CCNT2: variants seen among roughly 807,000 people sequenced by gnomAD.
CCNT2 encodes the protein cyclin-T2.
A neutral mutation model predicts 70.0 loss-of-function variants in CCNT2; 18 were observed. The observed-to-expected ratio is 0.26, with a 90% CI of 0.18 to 0.38. CCNT2 has a LOEUF of 0.38. CCNT2 is among the 10% of genes least tolerant of loss of function. The probability of loss-of-function intolerance (pLI) is 1.00; values close to 1 mark genes in which losing one functional copy is unlikely to be tolerated. For missense variants in CCNT2, 734 were observed against 890.2 expected (o/e 0.82, Z 2.23); for synonymous variants, 334 against 313.3 (o/e 1.07, Z -0.70).
chr2:134,928,664 G>T (rs993104848), intron 2 of CCNT2, among the ~76,000 whole-genome samples: 3 of 151,868 alleles, frequency 2.0e-5, no homozygotes, highest in African/African-American at 4.8e-5. Context: ...TCACACTATA[G>T]TAATTCCTTC....
chr2:134,946,079 CG>C (rs777113344), intron 5 of CCNT2, 21 bp from the exon 6 acceptor site: 2 of 1,567,690 alleles, frequency 1.3e-6, no homozygotes, highest in African/African-American at 1.4e-5. Context: ...GTATTGTCTT[CG>C]TTTTTTTTTT....
At chr2:134,935,256 TTTAAG>T (rs1559098340) in intron 2 of CCNT2, among the ~76,000 whole-genome samples, 1 of 152,212 alleles carries the variant, frequency 6.6e-6, no homozygotes, top group Non-Finnish European at 1.5e-5. Flanking sequence ...ATTCACTCAT[TTTAAG>T]TTAACATTAT....
chr2:134,935,167 G>A (rs1399560222), intron 2 of CCNT2, among the ~76,000 whole-genome samples: 2 of 152,158 alleles, frequency 1.3e-5, no homozygotes, highest in African/African-American at 4.8e-5. Flanking sequence ...TTACTCTTTT[G>A]AGCATTCTCA....
chr2:134,923,056 G>A (rs993494604), intron 2 of CCNT2, among the ~76,000 whole-genome samples: 1 of 152,078 alleles, frequency 6.6e-6, no homozygotes, highest in Admixed American at 6.6e-5. Flanking sequence ...TGAAGTGGGC[G>A]GATCCCTTGA....
intron 2 of CCNT2, among the ~76,000 whole-genome samples, chr2:134,935,499 G>A (rs41521049): frequency 0.35 from 52,648 of 151,988 alleles, 9,893 homozygotes; most frequent in Middle Eastern, 0.67. Flanking sequence ...TTCACCTCCA[G>A]TTTGGCATTG....
In CCNT2 at chr2:134,953,651, A is replaced by G. The variant is rs769833078; in HGVS notation, c.1196A>G (p.Lys399Arg). Residue 399 changes from lysine (K) to arginine (R), a missense_variant, in exon 9 of 9, where the codon AAA (lysine) becomes AGA (arginine). Around this residue, in one of 3 missense-constraint regions of CCNT2, gnomAD observed 532 missense variants for 556.9 expected, o/e 0.96. Coordinates refer to ENST00000264157, the MANE Select transcript of CCNT2 (RefSeq NM_058241.3). Reference protein sequence around the residue: ...LHSGLHHRPDKISDHSSVKQE... With the variant: ...LHSGLHHRPDRISDHSSVKQE... Reference sequence around the variant, plus strand: ...TCAGGATTACATCACAGACCTGACAAAATTTCAGATCATTCTTCTGTTAAG... The same window carrying G: ...TCAGGATTACATCACAGACCTGACAGAATTTCAGATCATTCTTCTGTTAAG... 2.5e-6 allele frequency: 4 copies of G among 1,614,200 alleles called. No homozygotes were observed. In the South Asian group the frequency reaches 4.4e-5, roughly 18 times the overall value.
In CCNT2 at chr2:134,940,942, G is replaced by T. The variant is rs56675527; in HGVS notation, c.431-1670G>T. Among the ~76,000 whole-genome samples the T allele has an allele frequency of 0.019, 2,921 of 152,284 alleles. 220 individuals are homozygous for T. In the East Asian group the frequency reaches 0.29, roughly 15 times the overall value. On this transcript the variant is annotated intron_variant, in intron 4 of 8. Coordinates refer to ENST00000264157, the MANE Select transcript of CCNT2 (RefSeq NM_058241.3). ...AAATGAATCCAGTGTAAGGTTCAGT[G>T]TGAAAGAAGAAAAAGACATTTGTGA...
intron 2 of CCNT2, 31 bp downstream of exon 2, chr2:134,919,922 G>A: frequency 6.9e-7 from 1 of 1,449,406 alleles, no homozygotes. Flanking sequence ...TTTACTGTCC[G>A]CAAATTTGAG....
chr2:134,937,411 A>G (rs1294371305), intron 3 of CCNT2, among the ~76,000 whole-genome samples: 2 of 152,180 alleles, frequency 1.3e-5, no homozygotes, highest in African/African-American at 2.4e-5. Context: ...TAATGCATGT[A>G]CTACTGCTTA....
rs1559123909 is a variant in CCNT2, at chr2:134,957,927, ATCC to A, written c.*3282_*3284del. 2.0e-5 allele frequency: 3 copies of A among 152,154 alleles called. No homozygotes were observed. The highest frequency in any genetic ancestry group is 1.3e-4 in the Admixed American group (2 of 15,284). 9.4% of individuals were successfully genotyped at this position (152,154 alleles called of 1,614,324 possible). ...ATAGAATACCTAATTTTTTTGGCCT[ATCC>A]TCTTTGAACTAGAAATGACTACTTG... On this transcript the variant is annotated 3_prime_UTR_variant, in exon 9 of 9. Transcript: ENST00000264157.
intron 2 of CCNT2, among the ~76,000 whole-genome samples, chr2:134,928,274 C>CT (rs551173090): frequency 0.32 from 30,472 of 96,316 alleles, 6,084 homozygotes; most frequent in Middle Eastern, 0.61. Context: ...CATTGTATTT[C>CT]TTTTTTTTTT....
intron 7 of CCNT2, among the ~76,000 whole-genome samples, chr2:134,951,775 T>C (rs748643563): frequency 4.6e-5 from 7 of 152,208 alleles, no homozygotes; most frequent in Non-Finnish European, 1.0e-4. Flanking sequence ...CATAACAATA[T>C]ATGATTATCA....
intron 5 of CCNT2, chr2:134,943,600 CT>C: frequency 1.0e-6 from 1 of 984,804 alleles, no homozygotes; most frequent in East Asian, 1.1e-4. Flanking sequence ...AACAGGAGTA[CT>C]TTTTAAAAAT....
chr2:134,941,646 G>C (rs1681590820), intron 4 of CCNT2, among the ~76,000 whole-genome samples: 1 of 151,936 alleles, frequency 6.6e-6, no homozygotes, highest in Non-Finnish European at 1.5e-5. Flanking sequence ...GCATGTTATT[G>C]TTTTACTATA....
chr2:134,945,371 A>G, intron 5 of CCNT2: 1 of 985,432 alleles, frequency 1.0e-6, no homozygotes, highest in Non-Finnish European at 1.2e-6. Flanking sequence ...GGGAAGACTA[A>G]GAGGCAGAAT....
rs1682902294 is a variant in CCNT2, at chr2:134,956,049, T to C, written c.*1401T>C. 1.3e-5 allele frequency: 2 copies of C among 152,700 alleles called. No individual in the cohort carries two copies. The highest frequency in any genetic ancestry group is 4.8e-5 in the African/African-American group (2 of 41,480). 9.5% of individuals were successfully genotyped at this position (152,700 alleles called of 1,614,324 possible). On this transcript the variant is annotated 3_prime_UTR_variant, in exon 9 of 9. Coordinates refer to ENST00000264157, the MANE Select transcript of CCNT2 (RefSeq NM_058241.3). The stretch of plus-strand genomic sequence containing the variant: ...GATTTTGTCTTAAACACCAGTAATA[T>C]GGCTCTTGTTTATCAGCTAATCTTG...
Position 134,952,719 on chromosome 2 carries a change from A to G in CCNT2, c.774+8A>G. The G allele has an allele frequency of 6.3e-7, 1 of 1,596,848 alleles. No individual in the cohort carries two copies. ...AAGATTCGAAACTGGAGGGTAAGAG[A>G]ATTGACAGGGTTTAACAGAATTTCA... On this transcript the variant is annotated splice_region_variant and intron_variant, in intron 8 of 8. Transcript: ENST00000264157.
chr2:134,944,691 A>G, intron 5 of CCNT2: 2 of 983,676 alleles, frequency 2.0e-6, no homozygotes, highest in Non-Finnish European at 2.4e-6. Context: ...TCTGACTAAC[A>G]TTTCAGGTAA....
intron 5 of CCNT2, chr2:134,943,399 C>G: frequency 1.0e-6 from 1 of 977,938 alleles, no homozygotes; most frequent in Non-Finnish European, 1.2e-6. Context: ...GAGACCCTAT[C>G]TCAAAAAAAA....
Sources: allele counts gnomAD v4.1 joint callset (sites outside exome capture counted in the v4.1 genomes callset), GRCh38; gene constraint gnomAD v4.1.1; regional missense constraint gnomAD v4.1.1; transcripts MANE v1.5; gene names NCBI Gene and HGNC (gene_info 2026-07-23, HGNC 2026-07-21).